The following LPP variants were observed in gnomAD, a reference collection of about 807,000 sequenced individuals.
LPP encodes lipoma-preferred partner.
A neutral mutation model predicts 60.4 loss-of-function variants in LPP; 38 were observed. The ratio of observed to expected loss-of-function variants is 0.63; its 90% CI spans 0.49 to 0.83. The LOEUF (loss-of-function observed/expected upper bound fraction) is 0.83, where lower values mean the gene tolerates loss of function less well. LPP is among the 40% of genes least tolerant of loss of function. LPP has a pLI of 0.00. For synonymous variants in LPP, 328 were observed against 290.8 expected (o/e 1.13, Z -1.30); for missense variants, 902 against 783.6 (o/e 1.15, Z -1.80).
chr3:188,204,029 C>A (rs1243573211), intron 1 of LPP, among the ~76,000 whole-genome samples: 1 of 152,068 alleles, frequency 6.6e-6, no homozygotes, highest in African/African-American at 2.4e-5. Flanking sequence ...ATTGGTGGGG[C>A]CATCTTTAGA....
intron 5 of LPP, among the ~76,000 whole-genome samples, chr3:188,512,356 G>A (rs1389580858): frequency 3.3e-5 from 5 of 152,052 alleles, no homozygotes; most frequent in African/African-American, 7.2e-5. Flanking sequence ...TCAGGAGTTC[G>A]AGACCGGCCT....
intron 2 of LPP, among the ~76,000 whole-genome samples, chr3:188,333,601 T>G (rs73192623): frequency 0.011 from 1,617 of 152,344 alleles, 13 homozygotes; most frequent in Middle Eastern, 0.02. Flanking sequence ...AATTCTTACT[T>G]ATTGCCCCAA....
chr3:188,439,957 T>G (rs1322292701), intron 4 of LPP, among the ~76,000 whole-genome samples: 1 of 152,244 alleles, frequency 6.6e-6, no homozygotes, highest in Non-Finnish European at 1.5e-5. Context: ...GGAATTTATC[T>G]CATCTATGCC....
intron 2 of LPP, among the ~76,000 whole-genome samples, chr3:188,243,979 G>A (rs1005789946): frequency 6.6e-6 from 1 of 152,062 alleles, no homozygotes; most frequent in Non-Finnish European, 1.5e-5. Context: ...GGGTTCAAGC[G>A]ATTCTCCTGC....
intron 7 of LPP, among the ~76,000 whole-genome samples, chr3:188,691,491 G>A (rs1275746862): frequency 6.6e-6 from 1 of 152,196 alleles, no homozygotes; most frequent in African/African-American, 2.4e-5. Context: ...TAAAAAGGTG[G>A]ATGGTGACGA....
intron 9 of LPP, among the ~76,000 whole-genome samples, chr3:188,864,415 A>G (rs1336653863): frequency 1.3e-5 from 2 of 152,230 alleles, no homozygotes; most frequent in African/African-American, 4.8e-5. Context: ...GCATTATAGG[A>G]CAGAGAAATA....
chr3:188,565,965 C>T (rs1225805783), intron 6 of LPP, among the ~76,000 whole-genome samples: 1 of 151,834 alleles, frequency 6.6e-6, no homozygotes, highest in Non-Finnish European at 1.5e-5. Flanking sequence ...CACAGTGTCA[C>T]TTAGGGCTTA....
At chr3:188,709,901 C>A (rs940388903) in intron 8 of LPP, 1 of 152,120 alleles carries the variant, frequency 6.6e-6, no homozygotes, top group Non-Finnish European at 1.5e-5. Flanking sequence ...TAACTGTTAA[C>A]GAATTACTCT....
chr3:188,640,815 C>G (rs1849959746), intron 7 of LPP, among the ~76,000 whole-genome samples: 1 of 152,078 alleles, frequency 6.6e-6, no homozygotes. Flanking sequence ...GTCTACATGT[C>G]TATACCATGG....
intron 7 of LPP, among the ~76,000 whole-genome samples, chr3:188,702,030 A>G (rs1031842841): frequency 1.4e-5 from 2 of 139,562 alleles, no homozygotes; most frequent in African/African-American, 2.7e-5. Context: ...GCTCACTGCA[A>G]CCTCTGCCTC....
chr3:188,417,469 C>G (rs978206095), intron 4 of LPP, among the ~76,000 whole-genome samples: 54 of 152,146 alleles, frequency 3.5e-4, no homozygotes, highest in Non-Finnish European at 7.2e-4. Flanking sequence ...AGAATGGCCC[C>G]CATCCTGACC....
chr3:188,764,492 A>G (rs1733383611), intron 9 of LPP, among the ~76,000 whole-genome samples: 1 of 152,046 alleles, frequency 6.6e-6, no homozygotes, highest in Admixed American at 6.6e-5. Flanking sequence ...TGTAGTTGCT[A>G]TGGAAATACT....
At chr3:188,779,812 A>C (rs915984258) in intron 9 of LPP, among the ~76,000 whole-genome samples, 3 of 152,062 alleles carry the variant, frequency 2.0e-5, no homozygotes, top group African/African-American at 7.2e-5. Flanking sequence ...CAGCTAATAC[A>C]TCTTCCACTT....
At chr3:188,293,020 C>T (rs553509201) in intron 2 of LPP, among the ~76,000 whole-genome samples, 1 of 152,154 alleles carries the variant, frequency 6.6e-6, no homozygotes, top group African/African-American at 2.4e-5. Context: ...ATGAAATCAC[C>T]AGCATTACAA....
At chr3:188,470,319 C>CACATAAACACACACAT (rs138685539) in intron 4 of LPP, among the ~76,000 whole-genome samples, 2 of 148,762 alleles carry the variant, frequency 1.3e-5, no homozygotes, top group Non-Finnish European at 3.0e-5. Flanking sequence ...CACACACACA[C>CACATAAACACACACAT]GCACACATAA....
chr3:188,154,211 C>CGCCACCACCACCGCCGCT lies in LPP; in HGVS notation c.-227_-210dup, dbSNP rs1715354077. 6.6e-6 allele frequency among the ~76,000 whole-genome samples: 1 copy of CGCCACCACCACCGCCGCT among 151,782 alleles called. No individual in the cohort carries two copies. The highest frequency in any genetic ancestry group is 2.4e-5 in the African/African-American group (1 of 41,332). ...CAGCCGCCGCCGCCGCCGCCGCCGC[C>CGCCACCACCACCGCCGCT]GCCACCACCACCGCCGCTGCCCCGG... On this transcript the variant is annotated 5_prime_UTR_variant, in exon 1 of 12. Transcript: ENST00000617246.
rs548426509 is a variant in LPP, at chr3:188,168,645, A to G, written c.-190+14393A>G. ...TGACATGTTTTTGGTAAATGAGAAG[A>G]ACTGATGACATATTTCCCTATCAAA... On this transcript the variant is annotated intron_variant, in intron 1 of 11. Coordinates refer to ENST00000617246, the MANE Select transcript of LPP (RefSeq NM_001375462.1). Among the ~76,000 whole-genome samples, 19 of 152,318 alleles carry G rather than the reference A, an allele frequency of 1.2e-4. No individual in the cohort carries two copies. In the South Asian group the frequency reaches 3.9e-3, roughly 32 times the overall value.
At chr3:188,763,115 A>C (rs570601741) in intron 9 of LPP, among the ~76,000 whole-genome samples, 1 of 152,334 alleles carries the variant, frequency 6.6e-6, no homozygotes, top group African/African-American at 2.4e-5. Flanking sequence ...TGGAACCAAA[A>C]GCCTTAGAAC....
chr3:188,228,120 C>G (rs1252368638), intron 2 of LPP, among the ~76,000 whole-genome samples: 2 of 152,190 alleles, frequency 1.3e-5, no homozygotes, highest in Admixed American at 1.3e-4. Flanking sequence ...AAGGCATCAG[C>G]CAGCTGCACT....
Sources: gnomAD v4.1 joint callset for allele counts (sites outside exome capture counted in the v4.1 genomes callset) on GRCh38, gnomAD v4.1.1 for gene constraint, MANE v1.5 for transcripts, NCBI Gene and HGNC (gene_info 2026-07-23, HGNC 2026-07-21) for gene names.